The following RNF123 variants were observed in gnomAD, a reference collection of about 807,000 sequenced individuals.
The protein encoded by RNF123 is E3 ubiquitin-protein ligase RNF123.
Under a neutral mutation model 168.5 loss-of-function variants are expected in RNF123, and 86 were observed. That is an observed-to-expected ratio of 0.51 (90% CI 0.43 to 0.61). The LOEUF is 0.61. Among genes scored for constraint, RNF123 ranks in the 20% least tolerant of loss-of-function variants. The probability of loss-of-function intolerance (pLI) is 0.00; values close to 1 mark genes in which losing one functional copy is unlikely to be tolerated. For synonymous variants in RNF123, 666 were observed against 689.1 expected (o/e 0.97, Z 0.52); for missense variants, 1,419 against 1,729.7 (o/e 0.82, Z 3.19).
chr3:49,692,472 C>T (rs1161902453), intron 3 of RNF123, among the ~76,000 whole-genome samples: 1 of 152,168 alleles, frequency 6.6e-6, no homozygotes, highest in Admixed American at 6.5e-5. Flanking sequence ...AAGCATTTAT[C>T]TTTTGTCTTA....
intron 35 of RNF123, chr3:49,717,089 C>A (rs1358420142): frequency 6.5e-6 from 1 of 152,998 alleles, no homozygotes; most frequent in Non-Finnish European, 1.5e-5. Context: ...TCGGCCCTCC[C>A]AGCTCGGCCA....
rs754427986 is a variant in RNF123 at position 49,706,863 on chromosome 3, C to T, written c.2461C>T (p.Arg821Cys). The change falls in exon 26 of 39, where the codon CGT becomes TGT. Residue 821 changes from arginine (R) to cysteine (C), a missense_variant. Arg to Cys is a radical substitution (Grantham distance 180, BLOSUM62 -3). This residue lies in a region of RNF123 where 538 missense variants were observed against 708.8 expected (regional missense o/e 0.76). Coordinates refer to ENST00000327697, the MANE Select transcript of RNF123 (RefSeq NM_022064.5). ...FSEKLDHLSR[R>C]LAWVHATVYS... ...AGAAAAGCTGGACCACCTGAGCCGC[C>T]GTCTTGCCTGGGTCCATGCCACTGT... 34 of 1,614,048 alleles carry T rather than the reference C, an allele frequency of 2.1e-5. No individual in the cohort carries two copies. The highest frequency in any genetic ancestry group is 6.7e-5 in the African/African-American group (5 of 74,920).
intron 35 of RNF123, chr3:49,719,564 G>A: frequency 9.2e-7 from 1 of 1,088,842 alleles, no homozygotes; most frequent in Non-Finnish European, 1.3e-6. Context: ...GGCACCGGAT[G>A]GCCCTTGCCG....
Position 49,721,450 on chromosome 3 carries a change from A to C in RNF123, c.*145A>C. The stretch of plus-strand genomic sequence containing the variant: ...GCCTGCCTGTATCCTCATTGGTGGG[A>C]GCCCAGCCATGGCCCTAATTGTGCC... On this transcript the variant is annotated 3_prime_UTR_variant, in exon 39 of 39. Transcript: ENST00000327697. 1 of 1,141,644 alleles carries C rather than the reference A, an allele frequency of 8.8e-7. No individual in the cohort carries two copies. Among genetic ancestry groups the C allele is most frequent in the Non-Finnish European group, 1.3e-6 (1 of 753,948 alleles). 70.7% of individuals were successfully genotyped at this position (1,141,644 alleles called of 1,614,324 possible).
intron 1 of RNF123, 41 bp from the exon 2 acceptor site, chr3:49,691,089 C>T (rs543009792): frequency 1.6e-5 from 22 of 1,403,852 alleles, no homozygotes; most frequent in East Asian, 1.4e-4. Context: ...TGTGGGGGCC[C>T]CTGGCTGGCC....
rs771495156 is a variant in RNF123 at position 49,720,815 on chromosome 3, G to C, written c.3659G>C (p.Ser1220Thr). Residue 1220 changes from serine (S) to threonine (T), a missense_variant, in exon 37 of 39, where the codon AGT becomes ACT. Coordinates refer to ENST00000327697, the MANE Select transcript of RNF123 (RefSeq NM_022064.5). The part of the protein sequence containing the change: ...FSLQSYADYI[S>T]ADELAQVEQM... Reference sequence around the variant, plus strand: ...CACTCCCCAGATGCGGATTATATCAGTGCCGATGAGCTGGCCCAAGTGGAA... The same window carrying C: ...CACTCCCCAGATGCGGATTATATCACTGCCGATGAGCTGGCCCAAGTGGAA... 1 of 1,614,178 alleles carries C rather than the reference G, an allele frequency of 6.2e-7. No individual in the cohort carries two copies. The highest frequency in any genetic ancestry group is 8.5e-7 in the Non-Finnish European group (1 of 1,180,028).
In RNF123 at chr3:49,713,773, T is replaced by A. The variant is rs773948003; in HGVS notation, c.2785T>A (p.Tyr929Asn). 1 of 1,610,594 alleles carries A rather than the reference T, an allele frequency of 6.2e-7. No individual in the cohort carries two copies. Among genetic ancestry groups the A allele is most frequent in the Non-Finnish European group, 8.5e-7 (1 of 1,178,728 alleles). Residue 929 changes from tyrosine (Y) to asparagine (N), a missense_variant, in exon 29 of 39, where the codon TAC (tyrosine) becomes AAC (asparagine). By Grantham distance (143) the Tyr-to-Asn change is moderately radical. Coordinates refer to ENST00000327697, the MANE Select transcript of RNF123 (RefSeq NM_022064.5). ...CTCACTGATGCAGGCCCTGGCCAGCTACGTGTGCTACCCACACTCCCTGCG... is the reference window on the plus strand; with the variant it reads ...CTCACTGATGCAGGCCCTGGCCAGCAACGTGTGCTACCCACACTCCCTGCG... ...RDSLMQALAS[Y>N]VCYPHSLRAV... is the part of the protein sequence containing the mutation.
rs1399343222 is a variant in RNF123 at position 49,713,740 on chromosome 3, A to T, written c.2752A>T (p.Ile918Phe). The T allele has an allele frequency of 3.1e-6, 5 of 1,599,986 alleles. No homozygotes were observed. The change falls in exon 29 of 39, where the codon ATC (isoleucine) becomes TTC (phenylalanine). Residue 918 changes from isoleucine (I) to phenylalanine (F), a missense_variant and splice_region_variant. Transcript: ENST00000327697. ...FADARIVGTDIRDSLMQALAS... is the reference protein window; with the variant it reads ...FADARIVGTDFRDSLMQALAS... The stretch of plus-strand genomic sequence containing the variant: ...TGAGGCACGGTGTGTCCCCGCAGAC[A>T]TCCGAGACTCACTGATGCAGGCCCT...
At position 49,715,850 on chromosome 3, in the gene RNF123, G is replaced by A. The variant is rs567925100; in HGVS notation, c.3179G>A (p.Arg1060Gln). 101 of 1,614,080 alleles carry A rather than the reference G, an allele frequency of 6.3e-5. 1 individual carries two copies. In the South Asian group the frequency reaches 6.9e-4, roughly 11 times the overall value. ...EIQQAAERLE[R>Q]NFVDSRQLKV... is the part of the protein sequence containing the mutation. ...CAGCAGGCTGCTGAGCGCCTGGAGC[G>A]GAACTTTGTGGACAGCCGGCAGCTC... Residue 1060 changes from arginine to glutamine, a missense_variant, in exon 33 of 39, where the codon CGG (arginine) becomes CAG (glutamine). Arg to Gln is a conservative substitution (Grantham distance 43). Around this residue, in one of 5 missense-constraint regions of RNF123, gnomAD observed 538 missense variants for 708.8 expected, o/e 0.76. Transcript: ENST00000327697.
At chr3:49,717,780 C>A (rs2080276467) in intron 35 of RNF123, 3 of 735,538 alleles carry the variant, frequency 4.1e-6, no homozygotes, top group Non-Finnish European at 6.5e-6. Flanking sequence ...GGACCACAAC[C>A]CCTGTCTCTA....
At chr3:49,702,928 G>A (rs1165799347) in intron 20 of RNF123, among the ~76,000 whole-genome samples, 175 bp downstream of exon 20, 2 of 152,194 alleles carry the variant, frequency 1.3e-5, no homozygotes, top group African/African-American at 2.4e-5. Flanking sequence ...GGGGCAGCAG[G>A]AGCCCTGCAC....
chr3:49,700,277 C>T lies in RNF123; in HGVS notation c.1035C>T (p.Ile345=), dbSNP rs751554331. 6 of 1,614,188 alleles carry T rather than the reference C, an allele frequency of 3.7e-6. No individual in the cohort carries two copies. The highest frequency in any genetic ancestry group is 2.2e-5 in the South Asian group (2 of 91,092). The change falls in exon 13 of 39, where the codon ATC becomes ATT. Residue 345 remains isoleucine, a synonymous_variant. Coordinates refer to ENST00000327697, the MANE Select transcript of RNF123 (RefSeq NM_022064.5). ...TGCTCATGAGCTTCTTGCTGGGCAT[C>T]GTGGAGAAGGGCACACCCACACAGG... ...EAVLMSFLLG[I]VEKGTPTQAQ...
chr3:49,721,208 T>TG lies in RNF123; in HGVS notation c.3849dup (p.Asn1284GlufsTer90). ...AGAGCCTGTATCAACCAGCACCTGA[T>TG]GAACAACAAGGACTGCTTCTTCTGC... On this transcript the variant is annotated frameshift_variant, in exon 39 of 39. Coordinates refer to ENST00000327697, the MANE Select transcript of RNF123 (RefSeq NM_022064.5). LOFTEE classifies it high-confidence loss of function. 1 of 1,614,210 alleles carries TG rather than the reference T, an allele frequency of 6.2e-7. No homozygotes were observed. Among genetic ancestry groups the TG allele is most frequent in the Non-Finnish European group, 8.5e-7 (1 of 1,180,036 alleles).
rs150551790 is a variant in RNF123, at chr3:49,718,589, C to G, written c.3501-1922C>G. On this transcript the variant is annotated intron_variant, in intron 35 of 38. Transcript: ENST00000327697. Reference sequence around the variant, plus strand: ...TTGCAGTAAAGCCTCAGGGACCGACCCACCAGCGCGTACAGGTGCTCTTCC... The same window carrying G: ...TTGCAGTAAAGCCTCAGGGACCGACGCACCAGCGCGTACAGGTGCTCTTCC... 3 of 1,613,030 alleles carry G rather than the reference C, an allele frequency of 1.9e-6. No homozygotes were observed. In the African/African-American group the frequency reaches 4.0e-5, roughly 21 times the overall value.
rs1209976828 is a variant in RNF123 at position 49,697,460 on chromosome 3, G to A, written c.342+3G>A. On this transcript the variant is annotated splice_donor_region_variant and intron_variant, in intron 5 of 38. Coordinates refer to ENST00000327697, the MANE Select transcript of RNF123 (RefSeq NM_022064.5). ...TGGTGGATGATGACCTGCTGGGGGTGAGTGAGGGTGAGGTGTGGAGACCCA... is the reference window on the plus strand; with the variant it reads ...TGGTGGATGATGACCTGCTGGGGGTAAGTGAGGGTGAGGTGTGGAGACCCA... 2 of 1,595,588 alleles carry A rather than the reference G, an allele frequency of 1.3e-6. No homozygotes were observed. The highest frequency in any genetic ancestry group is 1.7e-6 in the Non-Finnish European group (2 of 1,170,606).
intron 23 of RNF123, 100 bp from the exon 24 acceptor site, chr3:49,705,434 G>A: frequency 2.0e-6 from 3 of 1,499,188 alleles, no homozygotes; most frequent in African/African-American, 2.8e-5. Context: ...TCCCTCCTTG[G>A]GCACAGGAAT....
Position 49,702,758 on chromosome 3 carries a change from G to A in RNF123, c.1750+5G>A. The A allele has an allele frequency of 6.2e-7, 1 of 1,614,156 alleles. No homozygotes were observed. ...CTCATGCTTCCTTCAGTGAGGGTGA[G>A]TGGCACCGGGGTCCCAGGTCAGTGA... On this transcript the variant is annotated splice_donor_5th_base_variant and intron_variant, in intron 20 of 38. Coordinates refer to ENST00000327697, the MANE Select transcript of RNF123 (RefSeq NM_022064.5).
chr3:49,704,487 G>C (rs868545763), intron 21 of RNF123, among the ~76,000 whole-genome samples, 163 bp from the exon 22 acceptor site: 9 of 152,198 alleles, frequency 5.9e-5, no homozygotes, highest in Middle Eastern at 3.2e-3. Context: ...GCAGAGTGAA[G>C]GCTGGGTGGA....
At chr3:49,700,106 G>C in intron 12 of RNF123, 121 bp from the exon 13 acceptor site, 1 of 1,405,724 alleles carries the variant, frequency 7.1e-7, no homozygotes, top group Non-Finnish European at 9.6e-7. Flanking sequence ...TCTATGTTTG[G>C]TGTTGCTCGA....
Sources: allele counts gnomAD v4.1 joint callset (sites outside exome capture counted in the v4.1 genomes callset), GRCh38; gene constraint gnomAD v4.1.1; regional missense constraint gnomAD v4.1.1; transcripts MANE v1.5; gene names NCBI Gene and HGNC (gene_info 2026-07-23, HGNC 2026-07-21).